Variants in TEC observed in about 807,000 individuals in gnomAD.
TEC encodes tyrosine-protein kinase Tec.
Under a neutral mutation model 93.0 loss-of-function variants are expected in TEC, and 72 were observed. The observed-to-expected ratio is 0.77, with a 90% confidence interval of 0.64 to 0.94. The LOEUF is 0.94. Ranked by LOEUF, TEC falls within the 40% of genes least tolerant of loss-of-function variation. TEC has a pLI of 0.00. For missense variants in TEC, 630 were observed against 757.9 expected, an observed-to-expected ratio of 0.83 and a Z score of 1.98; for synonymous variants, 249 against 247.7, an observed-to-expected ratio of 1.01 and a Z score of -0.05.
At chr4:48,228,719 T>C in intron 1 of TEC, 60 bp from the exon 2 acceptor site, 1 of 1,429,170 alleles carries the variant, frequency 7.0e-7, no homozygotes, top group Non-Finnish European at 9.4e-7. Context: ...GATGTTGCCA[T>C]TTCCAATTAC....
intron 6 of TEC, 111 bp downstream of exon 6, chr4:48,168,475 G>A (rs563455591): frequency 7.3e-5 from 84 of 1,155,322 alleles, no homozygotes; most frequent in Non-Finnish European, 1.0e-4. Context: ...GAAAAATTGT[G>A]TCACATCAAT....
chr4:48,168,002 G>A, intron 6 of TEC, 49 bp from the exon 7 acceptor site: 1 of 1,557,024 alleles, frequency 6.4e-7, no homozygotes, highest in Non-Finnish European at 8.8e-7. Flanking sequence ...ATATGAAACT[G>A]ATCATGAATC....
intron 11 of TEC, 62 bp from the exon 12 acceptor site, chr4:48,146,461 C>T: frequency 1.4e-6 from 2 of 1,447,384 alleles, no homozygotes; most frequent in Non-Finnish European, 1.9e-6. Context: ...TGGTCACATG[C>T]TACAGGAAAC....
At chr4:48,267,298 G>A (rs1206954051) in intron 1 of TEC, among the ~76,000 whole-genome samples, 5 of 152,078 alleles carry the variant, frequency 3.3e-5, no homozygotes, top group Admixed American at 6.6e-5. Context: ...CAGTAGCTGC[G>A]GTCATCTGAG....
At chr4:48,212,801 G>T (rs111462570) in intron 2 of TEC, among the ~76,000 whole-genome samples, 6 of 152,252 alleles carry the variant, frequency 3.9e-5, no homozygotes, top group African/African-American at 1.4e-4. Flanking sequence ...GCACAGCAGA[G>T]GTAGCATAAC....
chr4:48,163,310 T>C (rs1253247009), intron 8 of TEC, among the ~76,000 whole-genome samples: 2 of 152,216 alleles, frequency 1.3e-5, no homozygotes, highest in Non-Finnish European at 2.9e-5. Flanking sequence ...AATATACTAA[T>C]GCTGACAAAG....
chr4:48,137,350 T>G lies in TEC; in HGVS notation c.*66A>C, dbSNP rs964900615. The stretch of plus-strand genomic sequence containing the variant: ...CTACATGTCCAAGTGCTCAATAAAT[T>G]AAAAGCCACAAAATGCCCATCCTTC... On this transcript the variant is annotated 3_prime_UTR_variant, in exon 18 of 18. Coordinates refer to ENST00000381501, the MANE Select transcript of TEC (RefSeq NM_003215.3). 7.5e-7 allele frequency: 1 copy of G among 1,332,462 alleles called. No individual in the cohort carries two copies. Among genetic ancestry groups the G allele is most frequent in the African/African-American group, 1.5e-5 (1 of 68,266 alleles). 82.5% of individuals were successfully genotyped at this position (1,332,462 alleles called of 1,614,324 possible).
chr4:48,136,270 C>T lies in TEC; in HGVS notation c.*1146G>A, dbSNP rs1483565012. ...CAGGGTCTCCTGAGAGGCTGTACAA[C>T]AATCCCACCATCCAGGAACCCAAGT... On this transcript the variant is annotated 3_prime_UTR_variant, in exon 18 of 18. Transcript: ENST00000381501. 1.3e-5 allele frequency: 2 copies of T among 152,250 alleles called. No individual in the cohort carries two copies. The highest frequency in any genetic ancestry group is 4.8e-5 in the African/African-American group (2 of 41,454). The allele number at this position is 152,250 out of a possible 1,614,324, so 9.4% of individuals were successfully genotyped here.
chr4:48,145,367 T>C (rs1719861869), intron 13 of TEC, 41 bp downstream of exon 13: 1 of 1,612,966 alleles, frequency 6.2e-7, no homozygotes, highest in African/African-American at 1.3e-5. Context: ...GGGCCACTTC[T>C]TAATACAAAA....
At chr4:48,148,990 C>T (rs951257779) in intron 11 of TEC, among the ~76,000 whole-genome samples, 1 of 152,158 alleles carries the variant, frequency 6.6e-6, no homozygotes, top group African/African-American at 2.4e-5. Flanking sequence ...CATGTCCCTG[C>T]AAAGGACATG....
At chr4:48,151,430 A>G (rs1720159293) in intron 9 of TEC, among the ~76,000 whole-genome samples, 1 of 152,196 alleles carries the variant, frequency 6.6e-6, no homozygotes, top group African/African-American at 2.4e-5. Flanking sequence ...AGTGCTTTTT[A>G]TAAGAATGAA....
At chr4:48,192,662 T>A (rs1247088264) in intron 2 of TEC, among the ~76,000 whole-genome samples, 4 of 151,470 alleles carry the variant, frequency 2.6e-5, no homozygotes, top group Admixed American at 1.3e-4. Flanking sequence ...GAAAAAAAAA[T>A]GAGTAGAAAG....
At chr4:48,188,907 G>A (rs751826227) in intron 2 of TEC, among the ~76,000 whole-genome samples, 11 of 152,074 alleles carry the variant, frequency 7.2e-5, no homozygotes, top group Admixed American at 3.3e-4. Context: ...ATGCATATGC[G>A]CGCACACACG....
At chr4:48,167,679 T>A (rs1577716102) in intron 7 of TEC, 99 bp downstream of exon 7, 3 of 1,106,176 alleles carry the variant, frequency 2.7e-6, no homozygotes, top group Admixed American at 4.1e-5. Flanking sequence ...GCTGGTGAAA[T>A]TAGTCTCATT....
Position 48,262,687 on chromosome 4 carries a change from G to A in TEC, c.-46+7065C>T, listed in dbSNP as rs1724528648. ...ACTTCAAAGACTTCGTTTAGAAAAG[G>A]GAAGGATGCTTGTGGAAGCACAGTG... On this transcript the variant is annotated intron_variant, in intron 1 of 17. Transcript: ENST00000381501. Among the ~76,000 whole-genome samples the A allele has an allele frequency of 4.6e-5, 7 of 152,142 alleles. No individual in the cohort carries two copies. The South Asian group carries it at 1.5e-3, about 32-fold the overall frequency.
intron 1 of TEC, among the ~76,000 whole-genome samples, chr4:48,232,745 T>C (rs1353838264): frequency 6.6e-6 from 1 of 151,728 alleles, no homozygotes; most frequent in African/African-American, 2.4e-5. Context: ...CTCAAGGAAA[T>C]AGAAAACAAA....
At chr4:48,212,947 C>A (rs965556753) in intron 2 of TEC, among the ~76,000 whole-genome samples, 5 of 152,120 alleles carry the variant, frequency 3.3e-5, no homozygotes, top group African/African-American at 1.2e-4. Context: ...CTTTGTTGTA[C>A]AAGTGATGAA....
intron 2 of TEC, among the ~76,000 whole-genome samples, chr4:48,200,039 A>G (rs1395518825): frequency 6.6e-6 from 1 of 152,222 alleles, no homozygotes; most frequent in Non-Finnish European, 1.5e-5. Flanking sequence ...TAAAATAGAG[A>G]TAGGTGGTAC....
rs141361348 is a variant in TEC, at chr4:48,161,071, C to T, written c.737+2631G>A. ...AGTTTTTCAGATTAGCTAGTTACCC[C>T]AAAATAGCAGTGTCAATAAGGAAAG... On this transcript the variant is annotated intron_variant, in intron 8 of 17. Coordinates refer to ENST00000381501, the MANE Select transcript of TEC (RefSeq NM_003215.3). Among the ~76,000 whole-genome samples the T allele has an allele frequency of 3.9e-5, 6 of 152,104 alleles. No individual in the cohort carries two copies. The East Asian group carries it at 1.2e-3, about 29-fold the overall frequency.
Sources: allele counts gnomAD v4.1 joint callset (sites outside exome capture counted in the v4.1 genomes callset), GRCh38; gene constraint gnomAD v4.1.1; transcripts MANE v1.5; gene names NCBI Gene and HGNC (gene_info 2026-07-23, HGNC 2026-07-21).